The following TAOK3 variants were observed in gnomAD, a reference collection of about 807,000 sequenced individuals.
The protein encoded by TAOK3 is serine/threonine-protein kinase TAO3.
TAOK3 carries 40 observed loss-of-function variants against 120.4 expected under a neutral mutation model. That is an observed-to-expected ratio of 0.33 (90% confidence interval 0.26 to 0.43). The LOEUF (loss-of-function observed/expected upper bound fraction) is 0.43. Among genes scored for constraint, TAOK3 ranks in the 20% least tolerant of loss-of-function variants. The probability of loss-of-function intolerance (pLI) is 1.00; values close to 1 mark genes in which losing one functional copy is unlikely to be tolerated. For synonymous variants in TAOK3, 355 were observed against 387.5 expected (o/e 0.92, Z 0.99); for missense variants, 821 against 1,112.1 (o/e 0.74, Z 3.72).
chr12:118,278,876 G>A (rs1482723907), intron 1 of TAOK3, among the ~76,000 whole-genome samples: 1 of 151,846 alleles, frequency 6.6e-6, no homozygotes, highest in African/African-American at 2.4e-5. Context: ...GTGCGGTCTC[G>A]GCTCACCACA....
At chr12:118,230,217 C>T (rs1314498470) in intron 9 of TAOK3, among the ~76,000 whole-genome samples, 1 of 151,924 alleles carries the variant, frequency 6.6e-6, no homozygotes, top group Non-Finnish European at 1.5e-5. Context: ...TATTATTTAC[C>T]AAATGAGCCA....
chr12:118,332,798 G>A (rs1277058625), intron 1 of TAOK3, among the ~76,000 whole-genome samples: 1 of 152,080 alleles, frequency 6.6e-6, no homozygotes, highest in Non-Finnish European at 1.5e-5. Flanking sequence ...GAAATCATGT[G>A]AGACCTTATC....
intron 1 of TAOK3, among the ~76,000 whole-genome samples, chr12:118,348,570 C>G (rs1566156007): frequency 6.6e-6 from 1 of 151,840 alleles, no homozygotes; most frequent in African/African-American, 2.4e-5. Flanking sequence ...CCTGCCTCAA[C>G]TACCCGAGTA....
intron 5 of TAOK3, among the ~76,000 whole-genome samples, chr12:118,243,149 A>G (rs2040328387): frequency 6.6e-6 from 1 of 152,108 alleles, no homozygotes; most frequent in African/African-American, 2.4e-5. Flanking sequence ...ACTTTTACAA[A>G]CAAATAATTA....
At chr12:118,357,513 G>A (rs1230942573) in intron 1 of TAOK3, among the ~76,000 whole-genome samples, 1 of 152,124 alleles carries the variant, frequency 6.6e-6, no homozygotes, top group Non-Finnish European at 1.5e-5. Flanking sequence ...AGTAATTCAG[G>A]AGTTTAAAAC....
chr12:118,236,257 T>C (rs1453401791), intron 7 of TAOK3: 1 of 152,538 alleles, frequency 6.6e-6, no homozygotes, highest in African/African-American at 2.4e-5. Flanking sequence ...AAGGTGATAT[T>C]TTAAAAATAA....
chr12:118,181,936 G>A (rs1252439012), intron 14 of TAOK3, among the ~76,000 whole-genome samples: 2 of 152,234 alleles, frequency 1.3e-5, no homozygotes, highest in African/African-American at 4.8e-5. Context: ...TGTAATCCCA[G>A]TACTTTGGGA....
Position 118,160,536 on chromosome 12 carries a change from G to A in TAOK3, c.2140-178C>T, listed in dbSNP as rs931654620. ...ACACAGACAAAAGTTAACTCTACCT[G>A]TACTTTTGGTTTTATATTGAATGAC... On this transcript the variant is annotated intron_variant, in intron 18 of 20. Transcript: ENST00000392533. This position sits in a 1 kb window ranked among gnomAD's most constrained non-coding sequence, Gnocchi z 4.2. Among the ~76,000 whole-genome samples, 16 of 152,140 alleles carry A rather than the reference G, an allele frequency of 1.1e-4. No homozygotes were observed. The highest frequency in any genetic ancestry group is 2.7e-4 in the African/African-American group (11 of 41,442).
At chr12:118,259,041 GA>G (rs2041113364) in intron 2 of TAOK3, among the ~76,000 whole-genome samples, 1 of 152,090 alleles carries the variant, frequency 6.6e-6, no homozygotes, top group African/African-American at 2.4e-5. Flanking sequence ...ATGTAAAAAT[GA>G]GACCATAAAA....
intron 9 of TAOK3, among the ~76,000 whole-genome samples, chr12:118,216,994 T>C (rs1294568706): frequency 2.0e-5 from 3 of 151,934 alleles, no homozygotes; most frequent in Non-Finnish European, 4.4e-5. Flanking sequence ...TATCTCTTTC[T>C]ACTGTGCTTA....
At position 118,369,053 on chromosome 12, in the gene TAOK3, TG is replaced by T. The variant is rs1230742122; in HGVS notation, c.-194+3594del. ...AAGAAGAAGAAAAAGCCAGGCGTGA[TG>T]GTATTTGCCTGTGGTCCCAGCTACT... is the stretch of plus-strand genomic sequence containing the variant. On this transcript the variant is annotated intron_variant, in intron 1 of 20. Transcript: ENST00000392533. 3.4e-5 allele frequency among the ~76,000 whole-genome samples: 5 copies of T among 148,738 alleles called. No homozygotes were observed. In the East Asian group the frequency reaches 9.8e-4, roughly 29 times the overall value.
intron 1 of TAOK3, among the ~76,000 whole-genome samples, chr12:118,309,226 G>A (rs1201705141): frequency 1.3e-5 from 2 of 151,344 alleles, no homozygotes; most frequent in Non-Finnish European, 2.9e-5. Flanking sequence ...CTACTTGGGA[G>A]GCTGAGGCAG....
chr12:118,150,674 G>A lies in TAOK3; in HGVS notation c.*323C>T, dbSNP rs1455782142. The A allele has an allele frequency of 4.7e-6, 1 of 211,032 alleles. No homozygotes were observed. The highest frequency in any genetic ancestry group is 1.4e-4 in the South Asian group (1 of 6,976). 13.1% of individuals were successfully genotyped at this position (211,032 alleles called of 1,614,324 possible). A position where few individuals can be genotyped will look rare whatever the true frequency, so the allele number is the denominator to read the frequency against. On this transcript the variant is annotated 3_prime_UTR_variant, in exon 21 of 21. Coordinates refer to ENST00000392533, the MANE Select transcript of TAOK3 (RefSeq NM_016281.4). ...AAAGCAATATACATCCACTTTTTTT[G>A]TTGTTGGTTTATTGGTTTTGTTAAA...
chr12:118,296,168 T>G (rs1002371842), intron 1 of TAOK3, among the ~76,000 whole-genome samples: 1 of 152,154 alleles, frequency 6.6e-6, no homozygotes, highest in Admixed American at 6.6e-5. Context: ...CTTCTCTGAT[T>G]TTTTTCTTTT....
intron 11 of TAOK3, among the ~76,000 whole-genome samples, chr12:118,210,740 C>CTTTTT (rs972130210): frequency 7.2e-6 from 1 of 139,086 alleles, no homozygotes; most frequent in Non-Finnish European, 1.6e-5. Context: ...TTTCTTTTTT[C>CTTTTT]TTTTTTTTTT....
chr12:118,249,017 T>C (rs2140082704), intron 3 of TAOK3, among the ~76,000 whole-genome samples: 1 of 152,246 alleles, frequency 6.6e-6, no homozygotes, highest in East Asian at 1.9e-4. Flanking sequence ...AAGGAGAGTA[T>C]CAATGGGGTC....
intron 9 of TAOK3, among the ~76,000 whole-genome samples, chr12:118,221,223 CTTTT>C (rs371667767): frequency 6.7e-6 from 1 of 149,956 alleles, no homozygotes; most frequent in South Asian, 2.1e-4. Context: ...GTTTTCTTTT[CTTTT>C]TTTTTTCTTT....
intron 1 of TAOK3, among the ~76,000 whole-genome samples, chr12:118,360,665 A>T (rs1321034990): frequency 6.6e-6 from 1 of 152,244 alleles, no homozygotes; most frequent in Non-Finnish European, 1.5e-5. Flanking sequence ...TAGGAATACA[A>T]TAATGAACAA....
chr12:118,152,423 A>G lies in TAOK3; in HGVS notation c.2353-14T>C. ...ATCTAGCCGTAACTGCGGACACAGA[A>G]GACACACACGGTCATGCACCCTTGC... On this transcript the variant is annotated splice_polypyrimidine_tract_variant and intron_variant, in intron 19 of 20. Coordinates refer to ENST00000392533, the MANE Select transcript of TAOK3 (RefSeq NM_016281.4). The G allele has an allele frequency of 6.2e-7, 1 of 1,604,322 alleles. No homozygotes were observed. Among genetic ancestry groups the G allele is most frequent in the Non-Finnish European group, 8.5e-7 (1 of 1,176,504 alleles).
Sources: gnomAD v4.1 joint callset for allele counts (sites outside exome capture counted in the v4.1 genomes callset) on GRCh38, gnomAD v4.1.1 for gene constraint, Gnocchi (gnomAD v3.1) non-coding constraint, MANE v1.5 for transcripts, NCBI Gene and HGNC (gene_info 2026-07-23, HGNC 2026-07-21) for gene names.